Variants in IGF1R observed in about 807,000 individuals in gnomAD.
IGF1R encodes the protein insulin like growth factor 1 receptor, also known as insulin-like growth factor 1 receptor.
A neutral mutation model predicts 144.6 loss-of-function variants in IGF1R; 44 were observed. The observed-to-expected ratio is 0.30, with a 90% confidence interval of 0.24 to 0.39. The LOEUF (loss-of-function observed/expected upper bound fraction) is 0.39, where lower values mean the gene tolerates loss of function less well. IGF1R is among the 10% of genes least tolerant of loss of function. The pLI is 1.00. For missense variants in IGF1R, 1,355 were observed against 1,833.7 expected (o/e 0.74, Z 4.77); for synonymous variants, 795 against 722.8 (o/e 1.10, Z -1.60).
At chr15:98,807,712 T>C (rs368077550) in intron 2 of IGF1R, among the ~76,000 whole-genome samples, 19 of 152,240 alleles carry the variant, frequency 1.2e-4, no homozygotes, top group African/African-American at 3.9e-4. Context: ...GCCTGGGCCA[T>C]AGTGAAACAC....
Position 98,913,148 on chromosome 15 carries a change from G to C in IGF1R, c.1694G>C (p.Gly565Ala). ...DLPPNKDVEP[G>A]ILLHGLKPWT... ...CCGCCCAACAAGGACGTGGAGCCCG[G>C]CATCTTACTACATGGGCTGAAGCCC... The change falls in exon 8 of 21, where the codon GGC (glycine) becomes GCC (alanine). Residue 565 changes from glycine to alanine, a missense_variant. Around this residue, in one of 7 missense-constraint regions of IGF1R, gnomAD observed 880 missense variants for 1,202.7 expected, o/e 0.73. Transcript: ENST00000650285. 6.2e-7 allele frequency: 1 copy of C among 1,614,216 alleles called. No individual in the cohort carries two copies. Among genetic ancestry groups the C allele is most frequent in the Non-Finnish European group, 8.5e-7 (1 of 1,180,024 alleles).
At chr15:98,870,888 C>T (rs1363626472) in intron 2 of IGF1R, among the ~76,000 whole-genome samples, 1 of 152,202 alleles carries the variant, frequency 6.6e-6, no homozygotes, top group Non-Finnish European at 1.5e-5. Context: ...GGAATGTTCC[C>T]ATGGCACTGG....
intron 2 of IGF1R, among the ~76,000 whole-genome samples, chr15:98,852,888 C>T (rs761693974): frequency 6.6e-6 from 1 of 152,246 alleles, no homozygotes; most frequent in Non-Finnish European, 1.5e-5. Flanking sequence ...TCTCTTCCAT[C>T]TCCTGGTGAG....
At chr15:98,827,774 G>C (rs2056921834) in intron 2 of IGF1R, among the ~76,000 whole-genome samples, 2 of 152,070 alleles carry the variant, frequency 1.3e-5, no homozygotes, top group Non-Finnish European at 2.9e-5. Context: ...GTAGAGATGG[G>C]GTTTCACCAT....
intron 13 of IGF1R, among the ~76,000 whole-genome samples, chr15:98,928,618 TAAAC>T (rs1394055988): frequency 2.6e-5 from 4 of 152,232 alleles, no homozygotes; most frequent in Non-Finnish European, 4.4e-5. Flanking sequence ...AAGCATATCA[TAAAC>T]AAGTTTTCCC....
At chr15:98,746,523 T>C (rs902420876) in intron 2 of IGF1R, among the ~76,000 whole-genome samples, 1 of 152,120 alleles carries the variant, frequency 6.6e-6, no homozygotes, top group Non-Finnish European at 1.5e-5. Context: ...AGATGAGTCA[T>C]CCCGGCAGCC....
chr15:98,676,959 AG>A (rs1246288738), intron 1 of IGF1R, among the ~76,000 whole-genome samples: 3 of 151,856 alleles, frequency 2.0e-5, no homozygotes, highest in Admixed American at 6.6e-5. Flanking sequence ...TTCCTGAGAC[AG>A]GGTCTCGCTC....
chr15:98,799,075 A>C (rs756488960), intron 2 of IGF1R, among the ~76,000 whole-genome samples: 1 of 152,270 alleles, frequency 6.6e-6, no homozygotes, highest in East Asian at 1.9e-4. Flanking sequence ...TTGGGTAACT[A>C]TGCCCCTACC....
chr15:98,726,655 C>CT (rs1333884550), intron 2 of IGF1R, among the ~76,000 whole-genome samples: 12 of 148,284 alleles, frequency 8.1e-5, no homozygotes, highest in South Asian at 2.1e-4. Context: ...TAATTCCTTG[C>CT]TTTTCTCTGA....
intron 2 of IGF1R, among the ~76,000 whole-genome samples, chr15:98,839,722 C>T (rs187884405): frequency 4.3e-4 from 65 of 152,280 alleles, no homozygotes; most frequent in Non-Finnish European, 7.5e-4. Flanking sequence ...CTGAGGGCAT[C>T]CAGAAGGAAT....
intron 2 of IGF1R, among the ~76,000 whole-genome samples, chr15:98,749,912 AAAG>A (rs2054965798): frequency 6.6e-6 from 1 of 151,956 alleles, no homozygotes. Flanking sequence ...TGGCTTAAAA[AAAG>A]AATCTGTTCT....
chr15:98,806,378 A>G (rs1200638583), intron 2 of IGF1R, among the ~76,000 whole-genome samples: 3 of 152,088 alleles, frequency 2.0e-5, no homozygotes. Context: ...CTGACTTGGG[A>G]GGGACAAGTT....
Position 98,957,274 on chromosome 15 carries a change from C to T in IGF1R, c.3936C>T (p.Ser1312=), listed in dbSNP as rs770637082. Reference sequence around the variant, plus strand: ...CCCTGGACCCCTCGGCCTCCTCGTCCTCCCTGCCACTGCCCGACAGACACT... The same window carrying T: ...CCCTGGACCCCTCGGCCTCCTCGTCTTCCCTGCCACTGCCCGACAGACACT... ...SVPLDPSASS[S]SLPLPDRHSG... is the part of the protein sequence containing the mutation. The change falls in exon 21 of 21, where the codon TCC becomes TCT. Residue 1312 remains serine (S), a synonymous_variant. Transcript: ENST00000650285. 6.2e-7 allele frequency: 1 copy of T among 1,614,002 alleles called. No individual in the cohort carries two copies. Among genetic ancestry groups the T allele is most frequent in the East Asian group, 2.2e-5 (1 of 44,870 alleles).
chr15:98,765,315 T>C, intron 2 of IGF1R, among the ~76,000 whole-genome samples: 1 of 126,586 alleles, frequency 7.9e-6, no homozygotes, highest in Admixed American at 8.1e-5. Flanking sequence ...CACCTTTTTT[T>C]TTTTTTTTTT....
At chr15:98,805,231 T>C (rs2056446494) in intron 2 of IGF1R, among the ~76,000 whole-genome samples, 1 of 152,314 alleles carries the variant, frequency 6.6e-6, no homozygotes, top group Admixed American at 6.5e-5. Context: ...ATTTAAACTT[T>C]ATGCTGCCAG....
At chr15:98,867,435 T>C (rs187983415) in intron 2 of IGF1R, among the ~76,000 whole-genome samples, 2 of 152,338 alleles carry the variant, frequency 1.3e-5, no homozygotes, top group East Asian at 3.9e-4. Flanking sequence ...CCCCTACCAC[T>C]TGCCAGTCTT....
chr15:98,950,489 T>G (rs933352129), intron 20 of IGF1R, among the ~76,000 whole-genome samples: 2 of 152,228 alleles, frequency 1.3e-5, no homozygotes, highest in African/African-American at 4.8e-5. Flanking sequence ...CTTGCAGGAC[T>G]GAGGTCCCCA....
At chr15:98,949,367 C>G (rs1229113429) in intron 20 of IGF1R, among the ~76,000 whole-genome samples, 1 of 148,048 alleles carries the variant, frequency 6.8e-6, no homozygotes, top group East Asian at 2.0e-4. Flanking sequence ...GTGAATTTGT[C>G]TTCTCACTGC....
intron 19 of IGF1R, among the ~76,000 whole-genome samples, chr15:98,944,880 CCT>C (rs147520538): frequency 0.043 from 6,613 of 152,354 alleles, 194 homozygotes; most frequent in African/African-American, 0.08. Context: ...GCTACGTCAG[CCT>C]CTGTGTGACA....
Sources: allele counts gnomAD v4.1 joint callset (sites outside exome capture counted in the v4.1 genomes callset), GRCh38; gene constraint gnomAD v4.1.1; regional missense constraint gnomAD v4.1.1; transcripts MANE v1.5; gene names NCBI Gene and HGNC (gene_info 2026-07-23, HGNC 2026-07-21).